SPAG17: variants seen among roughly 807,000 people sequenced by gnomAD.
SPAG17 encodes the protein sperm associated antigen 17.
SPAG17 carries 169 observed loss-of-function variants against 273.6 expected under a neutral mutation model. The observed-to-expected ratio is 0.62, with a 90% CI of 0.55 to 0.70. The LOEUF (loss-of-function observed/expected upper bound fraction) is 0.70, where lower values mean the gene tolerates loss of function less well. Ranked by LOEUF, SPAG17 falls within the 30% of genes least tolerant of loss-of-function variation. SPAG17 has a pLI of 0.00. For synonymous variants in SPAG17, 825 were observed against 873.2 expected, an observed-to-expected ratio of 0.94 and a Z score of 0.97; for missense variants, 2,557 against 2,627.8, an observed-to-expected ratio of 0.97 and a Z score of 0.59.
Position 118,086,656 on chromosome 1 carries a change from C to T in SPAG17, c.1611+15G>A, listed in dbSNP as rs1655018544. The T allele has an allele frequency of 1.9e-6, 3 of 1,610,934 alleles. No homozygotes were observed. The highest frequency in any genetic ancestry group is 2.5e-6 in the Non-Finnish European group (3 of 1,177,338). On this transcript the variant is annotated intron_variant, in intron 12 of 48. Coordinates refer to ENST00000336338, the MANE Select transcript of SPAG17 (RefSeq NM_206996.4). Reference sequence around the variant, plus strand: ...CCCACATCGGTTTTCCTTGGGCTAACCTGATTATTATTACCTGTAGTGCGT... The same window carrying T: ...CCCACATCGGTTTTCCTTGGGCTAATCTGATTATTATTACCTGTAGTGCGT...
At position 117,984,737 on chromosome 1, in the gene SPAG17, G is replaced by A; in HGVS notation, c.5715C>T (p.Asn1905=). 6.2e-7 allele frequency: 1 copy of A among 1,611,520 alleles called. No homozygotes were observed. The highest frequency in any genetic ancestry group is 8.5e-7 in the Non-Finnish European group (1 of 1,178,182). ...ATTTAAAAAAGGGTGGTATTATGCG[G>A]TTCTTAATATCCATTAGGTAATTCT... is the stretch of plus-strand genomic sequence containing the variant. The part of the protein sequence containing the change: ...TTQNYLMDIK[N]RIIPPFFKSE... The change falls in exon 41 of 49, where the codon AAC becomes AAT. Residue 1905 remains asparagine, a synonymous_variant. Transcript: ENST00000336338.
intron 8 of SPAG17, among the ~76,000 whole-genome samples, chr1:118,092,295 T>A (rs1655428039): frequency 6.6e-6 from 1 of 152,186 alleles, no homozygotes; most frequent in South Asian, 2.1e-4. Flanking sequence ...TTTTTTCCCC[T>A]GGGTGACTCA....
chr1:118,108,472 T>C (rs1356396788), intron 4 of SPAG17, among the ~76,000 whole-genome samples: 1 of 152,196 alleles, frequency 6.6e-6, no homozygotes, highest in African/African-American at 2.4e-5. Flanking sequence ...AGTTATAAAC[T>C]CAAGTTAGTT....
Position 117,973,486 on chromosome 1 carries a change from T to C in SPAG17, c.6080A>G (p.Glu2027Gly), listed in dbSNP as rs755657801. 1 of 1,614,100 alleles carries C rather than the reference T, an allele frequency of 6.2e-7. No homozygotes were observed. Among genetic ancestry groups the C allele is most frequent in the Non-Finnish European group, 8.5e-7 (1 of 1,179,968 alleles). Residue 2027 changes from glutamate (E) to glycine (G), a missense_variant, in exon 44 of 49, where the codon GAA (glutamate) becomes GGA (glycine). Transcript: ENST00000336338. ...LQDVAGQTRKEKVKLPHYLLS... is the reference protein window; with the variant it reads ...LQDVAGQTRKGKVKLPHYLLS... The stretch of plus-strand genomic sequence containing the variant: ...CAAATAATGAGGCAACTTCACTTTT[T>C]CTTTTCTTGTTTGTCCCGCAACATC...
chr1:117,997,879 T>C (rs1003228393), intron 32 of SPAG17, among the ~76,000 whole-genome samples: 1 of 152,190 alleles, frequency 6.6e-6, no homozygotes, highest in African/African-American at 2.4e-5. Flanking sequence ...CATTTTTAGT[T>C]CATGGGCTAT....
chr1:118,147,816 G>A (rs1423742476), intron 3 of SPAG17, among the ~76,000 whole-genome samples: 1 of 152,132 alleles, frequency 6.6e-6, no homozygotes, highest in African/African-American at 2.4e-5. Context: ...AGTCATTATT[G>A]GAAATATGCA....
intron 20 of SPAG17, among the ~76,000 whole-genome samples, chr1:118,051,506 C>T (rs1651003654): frequency 6.7e-6 from 1 of 149,572 alleles, no homozygotes; most frequent in South Asian, 2.1e-4. Context: ...AGGACGCTTA[C>T]ATCCATCAAC....
chr1:117,968,844 T>A (rs896214635), intron 46 of SPAG17, among the ~76,000 whole-genome samples: 3 of 152,260 alleles, frequency 2.0e-5, no homozygotes, highest in Non-Finnish European at 4.4e-5. Flanking sequence ...CTGTGATGAA[T>A]GGGTCATACA....
chr1:117,998,114 C>G (rs937680278), intron 32 of SPAG17, among the ~76,000 whole-genome samples: 2 of 152,006 alleles, frequency 1.3e-5, no homozygotes, highest in Non-Finnish European at 2.9e-5. Flanking sequence ...GGTGTCTTTG[C>G]CATGAAATCT....
chr1:118,042,418 T>G (rs372868433), intron 20 of SPAG17, among the ~76,000 whole-genome samples: 2 of 152,140 alleles, frequency 1.3e-5, no homozygotes, highest in South Asian at 4.1e-4. Context: ...GATAGTTTAT[T>G]AGCAGTGTGG....
At position 118,016,144 on chromosome 1, in the gene SPAG17, C is replaced by G; in HGVS notation, c.4108G>C (p.Gly1370Arg). Residue 1370 changes from glycine (G) to arginine (R), a missense_variant, in exon 29 of 49, where the codon GGT (glycine) becomes CGT (arginine). By Grantham distance (125) the Gly-to-Arg change is moderately radical. Coordinates refer to ENST00000336338, the MANE Select transcript of SPAG17 (RefSeq NM_206996.4). ...HKSQSSMAHK[G>R]EIHDPPPEAV... ...TCTGGAGGAGGGTCATGGATTTCACCCTTATGGGCCATTGATGACTGACTT... is the reference window on the plus strand; with the variant it reads ...TCTGGAGGAGGGTCATGGATTTCACGCTTATGGGCCATTGATGACTGACTT... The G allele has an allele frequency of 6.2e-7, 1 of 1,613,868 alleles. No individual in the cohort carries two copies. Among genetic ancestry groups the G allele is most frequent in the Non-Finnish European group, 8.5e-7 (1 of 1,179,866 alleles).
chr1:118,167,897 G>T (rs950597588), intron 1 of SPAG17, among the ~76,000 whole-genome samples: 1 of 152,114 alleles, frequency 6.6e-6, no homozygotes, highest in Admixed American at 6.5e-5. Context: ...GTGGGTTCTC[G>T]TGACATGTGG....
At chr1:118,041,474 T>C (rs1228900395) in intron 21 of SPAG17, among the ~76,000 whole-genome samples, 4 of 152,080 alleles carry the variant, frequency 2.6e-5, no homozygotes, top group African/African-American at 7.2e-5. Context: ...AGTCTCATCA[T>C]CTGAGACAGA....
At chr1:118,134,089 T>C (rs894463506) in intron 3 of SPAG17, among the ~76,000 whole-genome samples, 1 of 152,232 alleles carries the variant, frequency 6.6e-6, no homozygotes, top group Non-Finnish European at 1.5e-5. Flanking sequence ...TGAATGCACT[T>C]TGGCAAGATA....
At chr1:117,956,493 G>T (rs1339633385) in intron 48 of SPAG17, among the ~76,000 whole-genome samples, 1 of 152,116 alleles carries the variant, frequency 6.6e-6, no homozygotes, top group Non-Finnish European at 1.5e-5. Flanking sequence ...TAATGTGGAG[G>T]TTACAATACA....
intron 3 of SPAG17, among the ~76,000 whole-genome samples, chr1:118,140,898 T>C (rs1392400695): frequency 6.6e-6 from 1 of 152,204 alleles, no homozygotes; most frequent in African/African-American, 2.4e-5. Context: ...TGTGGCCTCT[T>C]TGGGCTTCTC....
intron 7 of SPAG17, 74 bp from the exon 8 acceptor site, chr1:118,093,391 C>A: frequency 7.3e-7 from 1 of 1,373,204 alleles, no homozygotes; most frequent in Non-Finnish European, 9.9e-7. Context: ...GTATATATCT[C>A]TTAACAGTTA....
At chr1:118,016,814 G>A (rs1660027274) in intron 28 of SPAG17, among the ~76,000 whole-genome samples, 1 of 152,134 alleles carries the variant, frequency 6.6e-6, no homozygotes, top group Admixed American at 6.5e-5. Context: ...GGAACAGGAG[G>A]AGAGAACTGA....
Position 118,101,742 on chromosome 1 carries a change from A to G in SPAG17, c.632T>C (p.Ile211Thr), listed in dbSNP as rs757685947. ...RGEDDHTNRY[I>T]DDEPDDGAQH... ...GCCGGCAGCAGCACCTTACTGACCA[A>G]TGTAACGATTGGTGTGGTCGTCTTC... Residue 211 changes from isoleucine to threonine, a missense_variant and splice_region_variant, in exon 5 of 49, where the codon ATT (isoleucine) becomes ACT (threonine). Coordinates refer to ENST00000336338, the MANE Select transcript of SPAG17 (RefSeq NM_206996.4). The G allele has an allele frequency of 3.7e-6, 6 of 1,612,100 alleles. No individual in the cohort carries two copies. Among genetic ancestry groups the G allele is most frequent in the Middle Eastern group, 1.7e-4 (1 of 5,758 alleles).
Sources: gnomAD v4.1 joint callset for allele counts (sites outside exome capture counted in the v4.1 genomes callset) on GRCh38, gnomAD v4.1.1 for gene constraint, MANE v1.5 for transcripts, NCBI Gene and HGNC (gene_info 2026-07-23, HGNC 2026-07-21) for gene names.